The following BRWD1 variants were observed in gnomAD, a reference collection of about 807,000 sequenced individuals.
The protein encoded by BRWD1 is bromodomain and WD repeat domain containing 1, also known as bromodomain and WD repeat-containing protein 1.
Under a neutral mutation model 251.2 loss-of-function variants are expected in BRWD1, and 82 were observed. That is an observed-to-expected ratio of 0.33 (90% confidence interval 0.27 to 0.39). The LOEUF (loss-of-function observed/expected upper bound fraction) is 0.39. Ranked by LOEUF, BRWD1 falls within the 10% of genes least tolerant of loss-of-function variation. The pLI is 1.00. For missense variants in BRWD1, 2,233 were observed against 2,711.6 expected (o/e 0.82, Z 3.92); for synonymous variants, 918 against 902.8 (o/e 1.02, Z -0.30).
intron 21 of BRWD1, among the ~76,000 whole-genome samples, chr21:39,243,500 C>T (rs1190744120): frequency 6.6e-6 from 1 of 152,162 alleles, no homozygotes; most frequent in African/African-American, 2.4e-5. Context: ...GCTAGAGTTA[C>T]ACTGGCGCAA....
chr21:39,318,614 G>A (rs1464996479), upstream of BRWD1, among the ~76,000 whole-genome samples: 1 of 152,250 alleles, frequency 6.6e-6, no homozygotes. Context: ...TGTGTTAAAA[G>A]TCTTCCCTGG....
chr21:39,313,632 TG>T, upstream of BRWD1: 3 of 556,208 alleles, frequency 5.4e-6, no homozygotes, highest in African/African-American at 4.1e-5. Context: ...GCGCGCCGCC[TG>T]GACCGACGCC....
In BRWD1 at chr21:39,297,413, T is replaced by C. The variant is rs989849354; in HGVS notation, c.349+1019A>G. On this transcript the variant is annotated intron_variant, in intron 5 of 40. Transcript: ENST00000342449. ...CCTAGGGCAGCTTGCTGAAGACTCT[T>C]CTAAGGTCTGGCCAGTTCTAAATCA... 29 of 985,152 alleles carry C rather than the reference T, an allele frequency of 2.9e-5. No individual in the cohort carries two copies. The African/African-American group carries it at 4.7e-4, about 16-fold the overall frequency. 61.0% of individuals were successfully genotyped at this position (985,152 alleles called of 1,614,324 possible).
intron 17 of BRWD1, among the ~76,000 whole-genome samples, chr21:39,259,301 T>G (rs2034664025): frequency 6.6e-6 from 1 of 151,860 alleles, no homozygotes; most frequent in Non-Finnish European, 1.5e-5. Context: ...AAGTACAGAG[T>G]TTTTCTGAGA....
intron 15 of BRWD1, among the ~76,000 whole-genome samples, chr21:39,267,682 G>C (rs2034968400): frequency 6.6e-6 from 1 of 152,074 alleles, no homozygotes; most frequent in African/African-American, 2.4e-5. Context: ...AACATATAAA[G>C]CCTTAACAGT....
At chr21:39,307,949 G>A (rs568175270) in intron 4 of BRWD1, among the ~76,000 whole-genome samples, 190 of 152,288 alleles carry the variant, frequency 1.2e-3, no homozygotes, top group Middle Eastern at 3.4e-3. Context: ...TCATGGTAGT[G>A]TGATTGATGA....
intron 8 of BRWD1, 109 bp downstream of exon 8, chr21:39,293,702 T>A: frequency 1.2e-6 from 1 of 827,938 alleles, no homozygotes; most frequent in Non-Finnish European, 1.9e-6. Flanking sequence ...CTTCTCTTAC[T>A]TAAAACATAA....
chr21:39,197,989 T>C (rs1039002368), intron 40 of BRWD1, among the ~76,000 whole-genome samples: 3 of 152,196 alleles, frequency 2.0e-5, no homozygotes, highest in African/African-American at 7.2e-5. Flanking sequence ...TCCCATGATC[T>C]TGACACTATA....
chr21:39,232,529 G>A lies in BRWD1; in HGVS notation c.2767-31C>T, dbSNP rs767216362. ...AAGGGGAAGAGAACAAAGTTTCTTA[G>A]ATTAGAAAGGGGCAGCATGCACTGT... On this transcript the variant is annotated intron_variant, in intron 23 of 40. Transcript: ENST00000342449. 63 of 1,577,250 alleles carry A rather than the reference G, an allele frequency of 4.0e-5. 1 individual carries two copies. In the South Asian group the frequency reaches 7.5e-4, roughly 19 times the overall value.
intron 31 of BRWD1, chr21:39,217,433 T>C (rs896977869): frequency 3.4e-5 from 7 of 207,342 alleles, no homozygotes; most frequent in Non-Finnish European, 9.7e-6. Context: ...ACAAAGAATA[T>C]CCAAGAGATT....
chr21:39,256,298 T>C (rs192630733), intron 18 of BRWD1, among the ~76,000 whole-genome samples: 1 of 152,374 alleles, frequency 6.6e-6, no homozygotes, highest in East Asian at 1.9e-4. Context: ...AAAAAAAGTC[T>C]TTTTGAAAAA....
chr21:39,316,509 A>G (rs1322270461), upstream of BRWD1, among the ~76,000 whole-genome samples: 7 of 152,252 alleles, frequency 4.6e-5, no homozygotes, highest in Non-Finnish European at 8.8e-5. Flanking sequence ...GGAGTTGTGC[A>G]TTTCATTTTG....
intron 13 of BRWD1, 87 bp downstream of exon 13, chr21:39,274,287 C>T: frequency 9.3e-7 from 1 of 1,075,282 alleles, no homozygotes; most frequent in Non-Finnish European, 1.4e-6. Flanking sequence ...AAAATAACCA[C>T]TGAGAGACAC....
chr21:39,286,765 C>G (rs771960051), intron 8 of BRWD1, among the ~76,000 whole-genome samples: 2 of 152,084 alleles, frequency 1.3e-5, no homozygotes, highest in Non-Finnish European at 2.9e-5. Context: ...CCGCCCACCT[C>G]GGCCTCCCAA....
In BRWD1 at chr21:39,192,754, A is replaced by C; in HGVS notation, c.*3505T>G. On this transcript the variant is annotated 3_prime_UTR_variant, in exon 41 of 41. Coordinates refer to ENST00000342449, the MANE Select transcript of BRWD1 (RefSeq NM_033656.4). ...AAATTGATACAATGGAGTGGAAAGG[A>C]AAACAAAAAAGATCGTAAGCACCTT... is the stretch of plus-strand genomic sequence containing the variant. The C allele has an allele frequency of 1.0e-6, 1 of 985,162 alleles. No individual in the cohort carries two copies. The highest frequency in any genetic ancestry group is 1.2e-6 in the Non-Finnish European group (1 of 829,740). The allele number at this position is 985,162 out of a possible 1,614,324, so 61.0% of individuals were successfully genotyped here. A position where few individuals can be genotyped will look rare whatever the true frequency, so the allele number is the denominator to read the frequency against.
chr21:39,221,901 A>G (rs1601314702), intron 29 of BRWD1, among the ~76,000 whole-genome samples: 1 of 142,586 alleles, frequency 7.0e-6, no homozygotes. Context: ...AGACTGTCTC[A>G]AAAAAAAAAA....
intron 21 of BRWD1, among the ~76,000 whole-genome samples, chr21:39,239,584 T>C (rs1449217091): frequency 6.6e-6 from 1 of 152,196 alleles, no homozygotes; most frequent in East Asian, 1.9e-4. Flanking sequence ...CAGTAAGTCT[T>C]AATGCCAAGT....
rs1393457933 is a variant in BRWD1 at position 39,274,394 on chromosome 21, A to G, written c.1224T>C (p.Asp408=). The stretch of plus-strand genomic sequence containing the variant: ...CTTACCCTGAGATTCTGGTAGCCAT[A>G]TCCAATAAAATGCTCCTCCATTCTA... ...EQLEWRSILL[D]MATRISGDLS... is the part of the protein sequence containing the mutation. The change falls in exon 13 of 41, where the codon GAT becomes GAC. Residue 408 remains aspartate (D), a synonymous_variant. Transcript: ENST00000342449. The G allele has an allele frequency of 1.2e-6, 2 of 1,613,706 alleles. No homozygotes were observed. Among genetic ancestry groups the G allele is most frequent in the Admixed American group, 3.3e-5 (2 of 59,998 alleles).
intron 17 of BRWD1, among the ~76,000 whole-genome samples, 200 bp downstream of exon 17, chr21:39,264,260 T>C (rs2034847684): frequency 6.6e-6 from 1 of 152,092 alleles, no homozygotes; most frequent in Non-Finnish European, 1.5e-5. Context: ...TGTAAGAGAA[T>C]GTCGTTCTTA....
Sources: gnomAD v4.1 joint callset for allele counts (sites outside exome capture counted in the v4.1 genomes callset) on GRCh38, gnomAD v4.1.1 for gene constraint, MANE v1.5 for transcripts, NCBI Gene and HGNC (gene_info 2026-07-23, HGNC 2026-07-21) for gene names.